ADGRL2: variants seen among roughly 807,000 people sequenced by gnomAD.
The protein encoded by ADGRL2 is calcium-independent alpha-latrotoxin receptor 2.
ADGRL2 carries 44 observed loss-of-function variants against 157.4 expected under a neutral mutation model. The ratio of observed to expected loss-of-function variants is 0.28; its 90% confidence interval spans 0.22 to 0.36. The LOEUF is 0.36. Among genes scored for constraint, ADGRL2 ranks in the 10% least tolerant of loss-of-function variants. ADGRL2 has a pLI of 1.00. For synonymous variants in ADGRL2, 585 were observed against 624.7 expected (o/e 0.94, Z 0.95); for missense variants, 1,510 against 1,768.9 (o/e 0.85, Z 2.63).
chr1:81,573,968 G>A (rs2080747284), intron 2 of ADGRL2, among the ~76,000 whole-genome samples: 2 of 152,256 alleles, frequency 1.3e-5, no homozygotes, highest in Admixed American at 6.5e-5. Context: ...GACAAAGAAA[G>A]TTAATACAGA....
intron 2 of ADGRL2, among the ~76,000 whole-genome samples, chr1:81,483,143 A>C (rs1265702959): frequency 1.3e-5 from 2 of 152,164 alleles, no homozygotes; most frequent in Non-Finnish European, 2.9e-5. Flanking sequence ...ATGAAACTGA[A>C]ACCCAAACCT....
chr1:81,923,984 C>G (rs1379449562), intron 3 of ADGRL2, among the ~76,000 whole-genome samples: 1 of 152,072 alleles, frequency 6.6e-6, no homozygotes, highest in African/African-American at 2.4e-5. Flanking sequence ...ATAGGAGATG[C>G]CATAAAGCAG....
At chr1:81,380,211 A>G (rs942172013) in intron 1 of ADGRL2, among the ~76,000 whole-genome samples, 4 of 152,092 alleles carry the variant, frequency 2.6e-5, no homozygotes, top group Admixed American at 2.6e-4. Context: ...ACGTTTTCCC[A>G]TATGTTTGTT....
At chr1:81,812,097 A>C (rs941141020) in intron 1 of ADGRL2, among the ~76,000 whole-genome samples, 1 of 151,794 alleles carries the variant, frequency 6.6e-6, no homozygotes. Flanking sequence ...GTAATTGGTA[A>C]GGAAGAGAGA....
chr1:81,352,134 C>T (rs67706057), intron 1 of ADGRL2, among the ~76,000 whole-genome samples: 38,956 of 152,224 alleles, frequency 0.26, 5,311 homozygotes, highest in Middle Eastern at 0.39. Context: ...TTCTAGCATG[C>T]CCTGACTTAC....
intron 2 of ADGRL2, among the ~76,000 whole-genome samples, chr1:81,503,624 A>G (rs1216815177): frequency 6.6e-6 from 1 of 152,162 alleles, no homozygotes; most frequent in Non-Finnish European, 1.5e-5. Flanking sequence ...GGCTCCATTC[A>G]GGTCCTGCTG....
intron 2 of ADGRL2, among the ~76,000 whole-genome samples, chr1:81,780,371 A>G (rs1391444950): frequency 6.6e-6 from 1 of 152,212 alleles, no homozygotes; most frequent in Non-Finnish European, 1.5e-5. Flanking sequence ...TGACCAAGCC[A>G]TGTACTAGCT....
intron 1 of ADGRL2, among the ~76,000 whole-genome samples, chr1:81,338,397 A>ACAAAACAAAAC (rs1661809705): frequency 6.6e-6 from 1 of 152,004 alleles, no homozygotes; most frequent in East Asian, 1.9e-4. Flanking sequence ...AAAACAAAAC[A>ACAAAACAAAAC]AAAAACTACT....
chr1:81,966,051 C>T lies in ADGRL2; in HGVS notation c.2018-7C>T. The T allele has an allele frequency of 1.2e-6, 2 of 1,613,408 alleles. No individual in the cohort carries two copies. Among genetic ancestry groups the T allele is most frequent in the Non-Finnish European group, 1.7e-6 (2 of 1,179,626 alleles). On this transcript the variant is annotated splice_region_variant and splice_polypyrimidine_tract_variant and intron_variant, in intron 11 of 23. Transcript: ENST00000686636. The stretch of plus-strand genomic sequence containing the variant: ...TCCCCACCTCCTTTATCTTTTCCCT[C>T]ATCCAGTCCTGGAAGTTGCCGTACT...
At chr1:81,334,294 C>T (rs1661475416) in intron 1 of ADGRL2, among the ~76,000 whole-genome samples, 2 of 152,116 alleles carry the variant, frequency 1.3e-5, no homozygotes, top group Non-Finnish European at 2.9e-5. Context: ...ATCATGTGAA[C>T]ATAAATTCAA....
chr1:81,756,235 T>C (rs1489630848), intron 1 of ADGRL2, among the ~76,000 whole-genome samples: 1 of 152,162 alleles, frequency 6.6e-6, no homozygotes, highest in African/African-American at 2.4e-5. Flanking sequence ...ATATCTTCCA[T>C]AAAACTAAGA....
At chr1:81,640,190 G>T (rs2082190717) in intron 3 of ADGRL2, among the ~76,000 whole-genome samples, 1 of 152,050 alleles carries the variant, frequency 6.6e-6, no homozygotes, top group Non-Finnish European at 1.5e-5. Context: ...GAAACTCAAA[G>T]AAAACACATG....
At chr1:81,721,275 C>T (rs1489051072) in intron 1 of ADGRL2, among the ~76,000 whole-genome samples, 1 of 152,008 alleles carries the variant, frequency 6.6e-6, no homozygotes, top group African/African-American at 2.4e-5. Flanking sequence ...TAACTCAAAA[C>T]CTCTTTTAAT....
At chr1:81,717,817 G>A (rs971483936) in intron 1 of ADGRL2, among the ~76,000 whole-genome samples, 2 of 152,162 alleles carry the variant, frequency 1.3e-5, no homozygotes, top group African/African-American at 4.8e-5. Context: ...ATATTTTCTT[G>A]ACTGTTTCTG....
At chr1:81,355,736 C>G (rs1332004235) in intron 1 of ADGRL2, among the ~76,000 whole-genome samples, 1 of 152,156 alleles carries the variant, frequency 6.6e-6, no homozygotes, top group Non-Finnish European at 1.5e-5. Flanking sequence ...CCTGCAGCTT[C>G]TGAATTCCCA....
At chr1:81,679,053 C>T (rs2083053763) in intron 3 of ADGRL2, among the ~76,000 whole-genome samples, 1 of 152,032 alleles carries the variant, frequency 6.6e-6, no homozygotes, top group Non-Finnish European at 1.5e-5. Flanking sequence ...ACACACAGTC[C>T]CTCCTCTAAA....
chr1:81,828,959 T>C (rs548483230), intron 1 of ADGRL2, among the ~76,000 whole-genome samples: 1 of 152,144 alleles, frequency 6.6e-6, no homozygotes, highest in South Asian at 2.1e-4. Context: ...TTGCCTGGGC[T>C]AGAGTGCAGT....
In ADGRL2 at chr1:81,990,683, A is replaced by ATCT. The variant is rs1664437150; in HGVS notation, c.3950_3952dup (p.Ser1317dup). 6.2e-7 allele frequency: 1 copy of ATCT among 1,614,068 alleles called. No individual in the cohort carries two copies. The highest frequency in any genetic ancestry group is 1.3e-5 in the African/African-American group (1 of 74,928). On this transcript the variant is annotated inframe_insertion, in exon 24 of 24. Transcript: ENST00000686636. Reference sequence around the variant, plus strand: ...ATGATGCTATTGTGGCAGATGCTTCATCTTTAATGCACAGCGACAACCCAG... The same window carrying ATCT: ...ATGATGCTATTGTGGCAGATGCTTCATCTTCTTTAATGCACAGCGACAACCCAG...
At chr1:81,967,339 G>T (rs1657397503) in intron 13 of ADGRL2, among the ~76,000 whole-genome samples, 1 of 150,092 alleles carries the variant, frequency 6.7e-6, no homozygotes, top group African/African-American at 2.5e-5. Flanking sequence ...TCGGCTCACT[G>T]CCAGCTCCAC....
Sources: gnomAD v4.1 joint callset for allele counts (sites outside exome capture counted in the v4.1 genomes callset) on GRCh38, gnomAD v4.1.1 for gene constraint, MANE v1.5 for transcripts, NCBI Gene and HGNC (gene_info 2026-07-23, HGNC 2026-07-21) for gene names.